BIRC6: variants seen among roughly 807,000 people sequenced by gnomAD.
BIRC6 encodes the protein baculoviral IAP repeat containing 6.
In BIRC6, 98 loss-of-function variants were observed where a neutral mutation model predicts 503.3. The observed-to-expected ratio is 0.19, with a 90% CI of 0.17 to 0.23. The LOEUF is 0.23. Ranked by LOEUF, BIRC6 falls within the 10% of genes least tolerant of loss-of-function variation. The pLI, the probability that BIRC6 is intolerant of heterozygous loss-of-function variation, is 1.00. For missense variants in BIRC6, 5,360 were observed against 5,806.0 expected (o/e 0.92, Z 2.50); for synonymous variants, 2,240 against 2,078.7 (o/e 1.08, Z -2.11).
intron 66 of BIRC6, among the ~76,000 whole-genome samples, chr2:32,578,113 A>G (rs1187375344): frequency 1.3e-5 from 2 of 152,202 alleles, no homozygotes; most frequent in Non-Finnish European, 2.9e-5. Flanking sequence ...CTCTGTTATA[A>G]GACGGCACCG....
intron 34 of BIRC6, 142 bp from the exon 35 acceptor site, chr2:32,477,226 C>A: frequency 2.9e-6 from 2 of 686,548 alleles, no homozygotes; most frequent in Non-Finnish European, 4.8e-6. Flanking sequence ...AATATTCTTA[C>A]TTTTGAAACT....
intron 9 of BIRC6, 143 bp downstream of exon 9, chr2:32,406,700 TG>T: frequency 1.8e-6 from 1 of 557,558 alleles, no homozygotes; most frequent in Admixed American, 3.5e-5. Flanking sequence ...AAATATTGTG[TG>T]TCAGAGATCT....
chr2:32,527,205 T>C (rs1331122134), intron 59 of BIRC6: 1 of 152,218 alleles, frequency 6.6e-6, no homozygotes, highest in Admixed American at 6.5e-5. Context: ...AAAGTATGGA[T>C]CACCACAGAC....
chr2:32,386,832 A>G (rs1372580680), intron 3 of BIRC6, among the ~76,000 whole-genome samples: 1 of 152,172 alleles, frequency 6.6e-6, no homozygotes, highest in Admixed American at 6.5e-5. Context: ...GGAAAGTTCT[A>G]GGGGCTTATA....
At position 32,478,699 on chromosome 2, in the gene BIRC6, C is replaced by A. The variant is rs778578222; in HGVS notation, c.7133C>A (p.Pro2378His). Residue 2378 changes from proline (P) to histidine (H), a missense_variant, in exon 36 of 74, where the codon CCC becomes CAC. Coordinates refer to ENST00000421745, the MANE Select transcript of BIRC6 (RefSeq NM_016252.4). ...CATCTGTGTGAGATTGTGAACGAAC[C>A]CCAGCTGGAAAGACTGCTGTTACTT... Reference protein sequence around the residue: ...TIHLCEIVNEPQLERLLLLLV... With the variant: ...TIHLCEIVNEHQLERLLLLLV... 10 of 1,613,892 alleles carry A rather than the reference C, an allele frequency of 6.2e-6. No individual in the cohort carries two copies. The East Asian group carries it at 2.2e-4, about 36-fold the overall frequency.
At chr2:32,416,205 T>C (rs1574055524) in intron 10 of BIRC6, 42 bp downstream of exon 10, 2 of 1,505,306 alleles carry the variant, frequency 1.3e-6, no homozygotes, top group South Asian at 2.7e-5. Flanking sequence ...AAAATCCATG[T>C]ATATATGGCA....
Position 32,599,696 on chromosome 2 carries a change from T to G in BIRC6, c.13831-43T>G, listed in dbSNP as rs763910426. 13 of 1,566,538 alleles carry G rather than the reference T, an allele frequency of 8.3e-6. No individual in the cohort carries two copies. In the South Asian group the frequency reaches 1.5e-4, roughly 18 times the overall value. Reference sequence around the variant, plus strand: ...TTGTATTTTTCTAAATATCAGTGTTTAGGAATGTTAACATAGACTTTTGTA... The same window carrying G: ...TTGTATTTTTCTAAATATCAGTGTTGAGGAATGTTAACATAGACTTTTGTA... On this transcript the variant is annotated intron_variant, in intron 69 of 73. Coordinates refer to ENST00000421745, the MANE Select transcript of BIRC6 (RefSeq NM_016252.4).
chr2:32,550,202 A>G (rs1404584736), intron 65 of BIRC6, among the ~76,000 whole-genome samples: 3 of 152,166 alleles, frequency 2.0e-5, no homozygotes, highest in African/African-American at 7.2e-5. Context: ...TTCTTATGAA[A>G]ATTTACATGT....
chr2:32,485,161 C>T (rs113193228), intron 39 of BIRC6, among the ~76,000 whole-genome samples: 1,736 of 151,756 alleles, frequency 0.011, 22 homozygotes, highest in African/African-American at 0.02. Context: ...GGACTGTTTT[C>T]ATTTCCTCGT....
At chr2:32,592,682 G>A (rs539749059) in intron 66 of BIRC6, among the ~76,000 whole-genome samples, 1 of 151,204 alleles carries the variant, frequency 6.6e-6, no homozygotes, top group Non-Finnish European at 1.5e-5. Flanking sequence ...TGCAACCTCC[G>A]CCTCCCAGGT....
intron 4 of BIRC6, among the ~76,000 whole-genome samples, chr2:32,391,095 TAA>T (rs933646939): frequency 1.1e-4 from 17 of 152,346 alleles, no homozygotes; most frequent in African/African-American, 2.9e-4. Context: ...TTTGAGATTA[TAA>T]AAGAGTCAGC....
chr2:32,371,063 A>G (rs2035861955), intron 1 of BIRC6, among the ~76,000 whole-genome samples: 1 of 151,880 alleles, frequency 6.6e-6, no homozygotes, highest in African/African-American at 2.4e-5. Context: ...AAATACAGAA[A>G]TTAGCCGGGC....
At chr2:32,389,352 A>G (rs1011814087) in intron 4 of BIRC6, among the ~76,000 whole-genome samples, 1 of 151,838 alleles carries the variant, frequency 6.6e-6, no homozygotes, top group African/African-American at 2.4e-5. Context: ...ATGTGAGTAT[A>G]AGGAAAGTGC....
intron 36 of BIRC6, among the ~76,000 whole-genome samples, chr2:32,479,261 G>C (rs895289413): frequency 6.6e-6 from 1 of 152,146 alleles, no homozygotes; most frequent in African/African-American, 2.4e-5. Context: ...GTGTTTACTG[G>C]ATACTTGTCT....
In BIRC6 at chr2:32,473,198, T is replaced by C. The variant is rs1270806759; in HGVS notation, c.6679T>C (p.Tyr2227His). 2 of 1,556,598 alleles carry C rather than the reference T, an allele frequency of 1.3e-6. No homozygotes were observed. The highest frequency in any genetic ancestry group is 1.7e-6 in the Non-Finnish European group (2 of 1,148,586). ...AGGCAGCAGTAGCCTTGATAGATTA[T>C]ATTCCAGAAAAATCAGAAAGCAGCT... ...SKGSSSLDRL[Y>H]SRKIRKQLVH... The change falls in exon 33 of 74, where the codon TAT becomes CAT. Residue 2227 changes from tyrosine to histidine, a missense_variant. Transcript: ENST00000421745.
chr2:32,448,997 ATAGAT>A, intron 22 of BIRC6, 69 bp downstream of exon 22: 1 of 1,433,570 alleles, frequency 7.0e-7, no homozygotes, highest in Admixed American at 2.0e-5. Context: ...ATTTGACTTA[ATAGAT>A]TATAGTCATG....
At chr2:32,412,116 G>T (rs528283472) in intron 9 of BIRC6, among the ~76,000 whole-genome samples, 1 of 152,238 alleles carries the variant, frequency 6.6e-6, no homozygotes, top group South Asian at 2.1e-4. Flanking sequence ...TAAAGGTTGA[G>T]ACTGAGAAAC....
chr2:32,515,457 C>A lies in BIRC6; in HGVS notation c.11036C>A (p.Thr3679Lys), dbSNP rs748637782. Reference sequence around the variant, plus strand: ...CAACAATGTAATAAGATGCCTATCACAGCCGACCTAGTTGCTCCTATTCTT... The same window carrying A: ...CAACAATGTAATAAGATGCCTATCAAAGCCGACCTAGTTGCTCCTATTCTT... Reference protein sequence around the residue: ...VPQQCNKMPITADLVAPILRF... With the variant: ...VPQQCNKMPIKADLVAPILRF... The change falls in exon 55 of 74, where the codon ACA becomes AAA. Residue 3679 changes from threonine to lysine, a missense_variant. Physicochemically the swap from Thr to Lys is moderately conservative, Grantham distance 78. This residue lies in a region of BIRC6 where 878 missense variants were observed against 928.9 expected (regional missense o/e 0.95). Transcript: ENST00000421745. The A allele has an allele frequency of 3.7e-6, 6 of 1,613,300 alleles. No individual in the cohort carries two copies. Among genetic ancestry groups the A allele is most frequent in the Non-Finnish European group, 8.5e-7 (1 of 1,179,886 alleles).
intron 9 of BIRC6, among the ~76,000 whole-genome samples, chr2:32,414,028 A>G (rs915152484): frequency 1.3e-5 from 2 of 152,212 alleles, no homozygotes; most frequent in African/African-American, 4.8e-5. Flanking sequence ...ACGGTGGCTC[A>G]TGCCTGTAAT....
Sources: gnomAD v4.1 joint callset for allele counts (sites outside exome capture counted in the v4.1 genomes callset) on GRCh38, gnomAD v4.1.1 for gene constraint, gnomAD v4.1.1 regional missense constraint, MANE v1.5 for transcripts, NCBI Gene and HGNC (gene_info 2026-07-23, HGNC 2026-07-21) for gene names.